TWSG1: variants seen among roughly 807,000 people sequenced by gnomAD.
TWSG1 encodes twisted gastrulation protein homolog 1.
A neutral mutation model predicts 23.0 loss-of-function variants in TWSG1; 15 were observed. The observed-to-expected ratio is 0.65, with a 90% confidence interval of 0.44 to 1.00. The LOEUF (loss-of-function observed/expected upper bound fraction) is 1.00. Among genes scored for constraint, TWSG1 ranks in the 50% least tolerant of loss-of-function variants. TWSG1 has a pLI of 0.00. For missense variants in TWSG1, 242 were observed against 278.7 expected (o/e 0.87, Z 0.94); for synonymous variants, 86 against 92.8 (o/e 0.93, Z 0.42).
At chr18:9,341,658 T>C (rs2040446788) in intron 2 of TWSG1, among the ~76,000 whole-genome samples, 1 of 152,212 alleles carries the variant, frequency 6.6e-6, no homozygotes, top group Non-Finnish European at 1.5e-5. Flanking sequence ...GTATCACAGT[T>C]TTGAGTTTAT....
At chr18:9,370,231 T>C (rs1227720766) in intron 3 of TWSG1, among the ~76,000 whole-genome samples, 1 of 152,000 alleles carries the variant, frequency 6.6e-6, no homozygotes, top group Non-Finnish European at 1.5e-5. Context: ...GGCAGCAGAA[T>C]TGCTTGAACC....
intron 3 of TWSG1, among the ~76,000 whole-genome samples, chr18:9,372,436 A>G (rs1045455440): frequency 9.4e-5 from 14 of 149,676 alleles, no homozygotes; most frequent in African/African-American, 3.4e-4. Flanking sequence ...TTTCTCTCAA[A>G]ATATCTTAAT....
intron 1 of TWSG1, among the ~76,000 whole-genome samples, chr18:9,335,170 C>T (rs1011011918): frequency 2.0e-5 from 3 of 152,254 alleles, no homozygotes; most frequent in Admixed American, 2.0e-4. Context: ...CCCGCGTCCT[C>T]CGCAGCCCGC....
At chr18:9,397,678 A>G (rs1598837371) in intron 4 of TWSG1, among the ~76,000 whole-genome samples, 1 of 152,326 alleles carries the variant, frequency 6.6e-6, no homozygotes, top group Middle Eastern at 3.4e-3. Context: ...TTACTTGACT[A>G]TTAGTTGTGC....
intron 3 of TWSG1, among the ~76,000 whole-genome samples, chr18:9,388,903 G>A (rs556009604): frequency 6.6e-6 from 1 of 152,118 alleles, no homozygotes; most frequent in South Asian, 2.1e-4. Flanking sequence ...CTTTTATAAC[G>A]TTTGAACTCA....
chr18:9,354,923 A>G (rs749335235), intron 2 of TWSG1, among the ~76,000 whole-genome samples: 2 of 151,872 alleles, frequency 1.3e-5, no homozygotes, highest in Non-Finnish European at 2.9e-5. Flanking sequence ...TATAGAAGAC[A>G]TGTGTTCTTA....
At chr18:9,352,559 G>A (rs890941319) in intron 2 of TWSG1, among the ~76,000 whole-genome samples, 2 of 152,134 alleles carry the variant, frequency 1.3e-5, no homozygotes, top group African/African-American at 2.4e-5. Context: ...CTGGGAAACC[G>A]AGACTCAGGG....
At chr18:9,345,813 T>C (rs1211688515) in intron 2 of TWSG1, among the ~76,000 whole-genome samples, 4 of 152,156 alleles carry the variant, frequency 2.6e-5, no homozygotes, top group Admixed American at 2.6e-4. Flanking sequence ...TAAAAAAATA[T>C]ATAATAGACT....
At chr18:9,365,863 G>A (rs2040576254) in intron 3 of TWSG1, among the ~76,000 whole-genome samples, 1 of 144,816 alleles carries the variant, frequency 6.9e-6, no homozygotes, top group Non-Finnish European at 1.5e-5. Flanking sequence ...AAAATTGACT[G>A]GGCATAATGA....
intron 4 of TWSG1, chr18:9,397,003 A>ACC: frequency 3.7e-5 from 6 of 162,680 alleles, no homozygotes; most frequent in South Asian, 1.9e-4. Context: ...GGTTGCTGTG[A>ACC]ACCGAGATCA....
intron 2 of TWSG1, among the ~76,000 whole-genome samples, chr18:9,338,204 T>C (rs1310666545): frequency 6.6e-6 from 1 of 152,230 alleles, no homozygotes; most frequent in African/African-American, 2.4e-5. Flanking sequence ...ATTGTTTTTA[T>C]ACATCAGAAG....
chr18:9,384,221 C>T (rs575449091), intron 3 of TWSG1, among the ~76,000 whole-genome samples: 1 of 152,162 alleles, frequency 6.6e-6, no homozygotes, highest in South Asian at 2.1e-4. Context: ...AACCTTTAGG[C>T]TTCTGTTTAT....
intron 3 of TWSG1, among the ~76,000 whole-genome samples, chr18:9,365,154 T>C (rs7237526): frequency 0.041 from 6,215 of 151,166 alleles, 414 homozygotes; most frequent in African/African-American, 0.14. Context: ...GACCCCATCT[T>C]TACCAAAAAT....
intron 3 of TWSG1, among the ~76,000 whole-genome samples, chr18:9,367,054 C>A (rs2040582853): frequency 6.6e-6 from 1 of 152,090 alleles, no homozygotes; most frequent in Non-Finnish European, 1.5e-5. Context: ...ATTTTCCCAC[C>A]TCAGCCTCCC....
At chr18:9,349,108 G>C (rs1407201778) in intron 2 of TWSG1, among the ~76,000 whole-genome samples, 1 of 152,032 alleles carries the variant, frequency 6.6e-6, no homozygotes, top group East Asian at 1.9e-4. Flanking sequence ...GTACTTCCTT[G>C]CTCATATAAT....
At chr18:9,348,683 T>C (rs1440931212) in intron 2 of TWSG1, among the ~76,000 whole-genome samples, 1 of 152,208 alleles carries the variant, frequency 6.6e-6, no homozygotes, top group Non-Finnish European at 1.5e-5. Flanking sequence ...TTGCAGAAGA[T>C]GTACAGAAAT....
chr18:9,394,854 T>G (rs1023638781), intron 3 of TWSG1, among the ~76,000 whole-genome samples: 1 of 152,140 alleles, frequency 6.6e-6, no homozygotes, highest in African/African-American at 2.4e-5. Flanking sequence ...AATGTCCCAT[T>G]ACCACTAAAC....
At chr18:9,358,842 C>T (rs1268853547) in intron 2 of TWSG1, among the ~76,000 whole-genome samples, 1 of 152,052 alleles carries the variant, frequency 6.6e-6, no homozygotes, top group East Asian at 1.9e-4. Context: ...TAAGTTATTT[C>T]CACCAAAATA....
chr18:9,359,998 A>C lies in TWSG1; in HGVS notation c.150A>C (p.Glu50Asp), dbSNP rs769617849. The C allele has an allele frequency of 6.2e-7, 1 of 1,613,480 alleles. No individual in the cohort carries two copies. The highest frequency in any genetic ancestry group is 1.3e-5 in the African/African-American group (1 of 74,928). Residue 50 changes from glutamate (E) to aspartate (D), a missense_variant, in exon 3 of 5, where the codon GAA becomes GAC. Coordinates refer to ENST00000262120, the MANE Select transcript of TWSG1 (RefSeq NM_020648.6). ...AGCTCTGCCAGTGCCGGCCGGGAGAAGGCAATTGCTCCTGCTGTAAGGAGT... is the reference window on the plus strand; with the variant it reads ...AGCTCTGCCAGTGCCGGCCGGGAGACGGCAATTGCTCCTGCTGTAAGGAGT... ...IQELCQCRPG[E>D]GNCSCCKECM...
Sources: allele counts gnomAD v4.1 joint callset (sites outside exome capture counted in the v4.1 genomes callset), GRCh38; gene constraint gnomAD v4.1.1; transcripts MANE v1.5; gene names NCBI Gene and HGNC (gene_info 2026-07-23, HGNC 2026-07-21).